Variants in PCSK5 observed in about 807,000 individuals in gnomAD.
PCSK5 encodes the protein prohormone convertase 5.
A neutral mutation model predicts 233.2 loss-of-function variants in PCSK5; 129 were observed. The observed-to-expected ratio is 0.55, with a 90% CI of 0.48 to 0.64. The LOEUF is 0.64. PCSK5 is among the 30% of genes least tolerant of loss of function. The probability of loss-of-function intolerance (pLI) is 0.00; values close to 1 mark genes in which losing one functional copy is unlikely to be tolerated. For synonymous variants in PCSK5, 825 were observed against 879.2 expected (o/e 0.94, Z 1.09); for missense variants, 2,076 against 2,430.1 (o/e 0.85, Z 3.06).
intron 2 of PCSK5, among the ~76,000 whole-genome samples, chr9:75,934,324 C>T (rs1484166353): frequency 1.3e-5 from 2 of 152,232 alleles, no homozygotes; most frequent in South Asian, 2.1e-4. Context: ...TTCCTACCAG[C>T]TTTGCAGAGA....
rs185602100 is a variant in PCSK5 at position 76,187,061 on chromosome 9, T to C, written c.2283-1517T>C. 1.8e-3 allele frequency among the ~76,000 whole-genome samples: 275 copies of C among 152,302 alleles called. 2 individuals are homozygous for C. The highest frequency in any genetic ancestry group is 4.0e-3 in the Admixed American group (61 of 15,296). ...GCACAAAATCCAGGAAGGAAATAAA[T>C]TAAATGCTAATGGGGACTGTTCGGG... On this transcript the variant is annotated intron_variant, in intron 17 of 37. Transcript: ENST00000674117.
intron 24 of PCSK5, among the ~76,000 whole-genome samples, chr9:76,272,178 TATC>T (rs2131374448): frequency 6.6e-6 from 1 of 152,268 alleles, no homozygotes; most frequent in East Asian, 1.9e-4. Context: ...TGTTTGGACA[TATC>T]ATTTTGGAAG....
intron 24 of PCSK5, among the ~76,000 whole-genome samples, chr9:76,271,451 G>A (rs546029899): frequency 1.7e-4 from 26 of 152,242 alleles, no homozygotes; most frequent in Non-Finnish European, 2.8e-4. Flanking sequence ...GCTCTCTTTC[G>A]AATATTTTAA....
intron 9 of PCSK5, among the ~76,000 whole-genome samples, chr9:76,116,154 A>G (rs1251033603): frequency 6.6e-6 from 1 of 152,102 alleles, no homozygotes; most frequent in Non-Finnish European, 1.5e-5. Context: ...CATTTTACTA[A>G]CATGTAAGAT....
At chr9:75,958,326 C>G (rs1161107521) in intron 2 of PCSK5, among the ~76,000 whole-genome samples, 2 of 152,192 alleles carry the variant, frequency 1.3e-5, no homozygotes, top group Non-Finnish European at 2.9e-5. Context: ...GCCTGACCTC[C>G]CTAAGCTCCT....
chr9:76,170,065 G>A (rs956095511), intron 13 of PCSK5, among the ~76,000 whole-genome samples: 6 of 152,198 alleles, frequency 3.9e-5, no homozygotes, highest in African/African-American at 1.4e-4. Context: ...AACAAAACAT[G>A]ACAGCTTTTG....
intron 24 of PCSK5, among the ~76,000 whole-genome samples, chr9:76,245,525 G>C (rs1160044353): frequency 6.6e-6 from 1 of 152,144 alleles, no homozygotes; most frequent in Non-Finnish European, 1.5e-5. Flanking sequence ...ACAGATAAGA[G>C]AGAAGAGCTG....
intron 30 of PCSK5, among the ~76,000 whole-genome samples, chr9:76,315,531 G>A (rs2490592): frequency 0.36 from 54,789 of 151,822 alleles, 10,505 homozygotes; most frequent in African/African-American, 0.48. Context: ...AGAAATATTC[G>A]TCTTCTTAAA....
intron 5 of PCSK5, among the ~76,000 whole-genome samples, chr9:76,040,373 C>CTCTG (rs1829056051): frequency 1.5e-5 from 1 of 67,464 alleles, no homozygotes; most frequent in Non-Finnish European, 2.8e-5. Context: ...CTCTCTCTCT[C>CTCTG]TCTCTCTCTC....
chr9:76,340,721 C>T (rs1020380015), intron 35 of PCSK5, among the ~76,000 whole-genome samples: 1 of 149,884 alleles, frequency 6.7e-6, no homozygotes, highest in South Asian at 2.1e-4. Context: ...CTATTAAATG[C>T]AATTTAGAGT....
intron 3 of PCSK5, among the ~76,000 whole-genome samples, chr9:75,986,459 G>A (rs1459961192): frequency 6.6e-6 from 1 of 152,196 alleles, no homozygotes; most frequent in Non-Finnish European, 1.5e-5. Context: ...AAAAAGAAGG[G>A]AGTTCCGACT....
At chr9:76,184,434 A>G (rs1824010405) in intron 16 of PCSK5, among the ~76,000 whole-genome samples, 1 of 122,752 alleles carries the variant, frequency 8.1e-6, no homozygotes, top group African/African-American at 2.6e-5. Flanking sequence ...TAGCTAGGCT[A>G]TCATTTTCTT....
intron 27 of PCSK5, among the ~76,000 whole-genome samples, chr9:76,299,536 G>A (rs113272038): frequency 0.16 from 24,456 of 151,984 alleles, 2,160 homozygotes; most frequent in Middle Eastern, 0.31. Flanking sequence ...GCCGGGCGTG[G>A]TGGTCAGTAC....
rs552630522 is a variant in PCSK5 at position 75,990,219 on chromosome 9, G to T, written c.411+3974G>T. Among the ~76,000 whole-genome samples the T allele has an allele frequency of 6.6e-5, 10 of 152,238 alleles. No homozygotes were observed. In the South Asian group the frequency reaches 2.1e-3, roughly 32 times the overall value. ...AGCTGCTGCAGTGTTTCTGACCTCC[G>T]TAGGGTCCTGCCTCCAGCTCGTTAG... is the stretch of plus-strand genomic sequence containing the variant. On this transcript the variant is annotated intron_variant, in intron 3 of 37. Coordinates refer to ENST00000674117, the MANE Select transcript of PCSK5 (RefSeq NM_001372043.1).
rs1286020691 is a variant in PCSK5, at chr9:76,282,145, T to TTTTTGC, written c.3143-10086_3143-10085insTTGCTT. Reference sequence around the variant, plus strand: ...CTTTTTTTTTTTTTTTTTTTTTTTTTTTCGCTCTGTTGCCCAGGCTGGAGC... The same window carrying TTTTTGC: ...CTTTTTTTTTTTTTTTTTTTTTTTTTTTTTGCTTCGCTCTGTTGCCCAGGCTGGAGC... On this transcript the variant is annotated intron_variant, in intron 24 of 37. Coordinates refer to ENST00000674117, the MANE Select transcript of PCSK5 (RefSeq NM_001372043.1). Among the ~76,000 whole-genome samples the TTTTTGC allele has an allele frequency of 4.0e-5, 4 of 98,990 alleles. 1 individual carries two copies. The highest frequency in any genetic ancestry group is 4.0e-4 in the East Asian group (1 of 2,480). The allele number at this position is 98,990 out of a possible 152,430, so 64.9% of individuals were successfully genotyped here.
At chr9:76,283,152 G>T (rs1452552841) in intron 24 of PCSK5, among the ~76,000 whole-genome samples, 1 of 152,200 alleles carries the variant, frequency 6.6e-6, no homozygotes, top group East Asian at 1.9e-4. Context: ...GAAAACAAAT[G>T]ATTTAGAATA....
At chr9:76,313,819 A>G (rs1171308231) in intron 30 of PCSK5, among the ~76,000 whole-genome samples, 1 of 152,180 alleles carries the variant, frequency 6.6e-6, no homozygotes, top group African/African-American at 2.4e-5. Context: ...GATTTTGTCA[A>G]GCAGAGAGTG....
intron 24 of PCSK5, chr9:76,286,407 G>A (rs892975802): frequency 6.6e-6 from 1 of 152,208 alleles, no homozygotes; most frequent in African/African-American, 2.4e-5. Context: ...AAACCACAAA[G>A]GAAGAAAAAA....
At chr9:76,208,278 T>C (rs1825199352) in intron 20 of PCSK5, among the ~76,000 whole-genome samples, 1 of 152,136 alleles carries the variant, frequency 6.6e-6, no homozygotes, top group Non-Finnish European at 1.5e-5. Flanking sequence ...CTAACAATGC[T>C]GCCAAGGGTC....
Sources: gnomAD v4.1 joint callset for allele counts (sites outside exome capture counted in the v4.1 genomes callset) on GRCh38, gnomAD v4.1.1 for gene constraint, MANE v1.5 for transcripts, NCBI Gene and HGNC (gene_info 2026-07-23, HGNC 2026-07-21) for gene names.